FSTL5: variants seen among roughly 807,000 people sequenced by gnomAD.
FSTL5 encodes follistatin like 5, also known as follistatin-related protein 5.
A neutral mutation model predicts 89.1 loss-of-function variants in FSTL5; 62 were observed. That is an observed-to-expected ratio of 0.70 (90% CI 0.57 to 0.86). The LOEUF is 0.86. Ranked by LOEUF, FSTL5 falls within the 40% of genes least tolerant of loss-of-function variation. FSTL5 has a pLI of 0.00. For missense variants in FSTL5, 1,057 were observed against 1,001.6 expected, an observed-to-expected ratio of 1.06 and a Z score of -0.75; for synonymous variants, 383 against 346.2, an observed-to-expected ratio of 1.11 and a Z score of -1.18.
intron 6 of FSTL5, among the ~76,000 whole-genome samples, chr4:161,696,893 AAAC>A (rs1197053755): frequency 2.0e-5 from 3 of 152,218 alleles, no homozygotes; most frequent in East Asian, 3.9e-4. Context: ...TCTCATCAGC[AAAC>A]AACAACTGTT....
intron 4 of FSTL5, among the ~76,000 whole-genome samples, chr4:161,776,515 A>C (rs961914990): frequency 7.0e-5 from 10 of 142,574 alleles, no homozygotes; most frequent in African/African-American, 2.7e-4. Flanking sequence ...TTTTGTATTG[A>C]AATATATATA....
intron 4 of FSTL5, among the ~76,000 whole-genome samples, chr4:161,814,307 A>C (rs1020047054): frequency 1.3e-5 from 2 of 152,132 alleles, no homozygotes; most frequent in Non-Finnish European, 2.9e-5. Context: ...AGTATAAATA[A>C]ATTTCTTCAA....
intron 6 of FSTL5, among the ~76,000 whole-genome samples, chr4:161,752,952 T>C (rs1299146049): frequency 1.3e-5 from 2 of 152,190 alleles, no homozygotes; most frequent in Non-Finnish European, 2.9e-5. Flanking sequence ...CACCAGACAC[T>C]GCATTGGCTG....
chr4:161,394,416 C>T (rs1226091939), intron 15 of FSTL5, among the ~76,000 whole-genome samples: 1 of 152,076 alleles, frequency 6.6e-6, no homozygotes, highest in Non-Finnish European at 1.5e-5. Context: ...GCTGGGATCA[C>T]AGAGGCGTGC....
At chr4:161,646,470 C>A (rs1313701605) in intron 7 of FSTL5, among the ~76,000 whole-genome samples, 1 of 151,608 alleles carries the variant, frequency 6.6e-6, no homozygotes, top group African/African-American at 2.4e-5. Context: ...TATTCTGAAA[C>A]CTTTTTTATA....
chr4:161,780,026 G>T (rs913755242), intron 4 of FSTL5, among the ~76,000 whole-genome samples: 1 of 148,522 alleles, frequency 6.7e-6, no homozygotes, highest in African/African-American at 2.4e-5. Context: ...ACATTTGAGA[G>T]TAAAATTAAG....
chr4:161,646,302 C>T (rs994673998), intron 7 of FSTL5, among the ~76,000 whole-genome samples: 5 of 149,724 alleles, frequency 3.3e-5, no homozygotes, highest in African/African-American at 1.2e-4. Context: ...TGTGTATACA[C>T]TTTAACTTTA....
rs1248205621 is a variant in FSTL5, at chr4:161,779,797, ATATATATATATATG to A, written c.410-3737_410-3724del. Among the ~76,000 whole-genome samples, 516 of 52,072 alleles carry A rather than the reference ATATATATATATATG, an allele frequency of 9.9e-3. 17 individuals are homozygous for A. Among genetic ancestry groups the A allele is most frequent in the African/African-American group, 0.055 (348 of 6,280 alleles). 34.2% of individuals were successfully genotyped at this position (52,072 alleles called of 152,430 possible). ...TATGTATATATATATATATATATATATATATATATATATGTATATATATATATATATATATATAT... is the reference window on the plus strand; with the variant it reads ...TATGTATATATATATATATATATATATATATATATATATATATATATATAT... On this transcript the variant is annotated intron_variant, in intron 4 of 15. Transcript: ENST00000306100.
chr4:162,118,269 T>C (rs1579042267), intron 1 of FSTL5, among the ~76,000 whole-genome samples: 1 of 14 alleles, frequency 0.071, no homozygotes, highest in South Asian at 0.25. Flanking sequence ...CCAAAGAGTC[T>C]TTTTTTTTTT....
intron 6 of FSTL5, among the ~76,000 whole-genome samples, chr4:161,665,881 G>A (rs1736877219): frequency 6.7e-6 from 1 of 149,396 alleles, no homozygotes. Context: ...AAAAGAAGAT[G>A]AAGAAGAAGA....
At chr4:161,740,614 A>G (rs547683745) in intron 6 of FSTL5, among the ~76,000 whole-genome samples, 1 of 152,326 alleles carries the variant, frequency 6.6e-6, no homozygotes, top group African/African-American at 2.4e-5. Context: ...ATCACATTAT[A>G]TTGACACATG....
chr4:161,775,776 G>T, intron 5 of FSTL5, 102 bp downstream of exon 5: 1 of 582,424 alleles, frequency 1.7e-6, no homozygotes. Context: ...CAATAATATG[G>T]ATCAAATATA....
chr4:161,692,142 A>G (rs1295779342), intron 6 of FSTL5, among the ~76,000 whole-genome samples: 1 of 152,004 alleles, frequency 6.6e-6, no homozygotes, highest in Non-Finnish European at 1.5e-5. Context: ...AAGTGGGCAA[A>G]ATTGTCTCTT....
Position 161,587,444 on chromosome 4 carries a change from T to C in FSTL5, c.1015+11A>G. 2 of 1,612,598 alleles carry C rather than the reference T, an allele frequency of 1.2e-6. No homozygotes were observed. Among genetic ancestry groups the C allele is most frequent in the Non-Finnish European group, 1.7e-6 (2 of 1,178,942 alleles). ...CTTTGAATAGTTAGGGTAACAAAAA[T>C]CACTTCTTACCATTCACTTGGAAGA... On this transcript the variant is annotated intron_variant, in intron 8 of 15. Transcript: ENST00000306100.
intron 7 of FSTL5, among the ~76,000 whole-genome samples, chr4:161,630,418 C>G (rs1735466133): frequency 1.3e-5 from 2 of 152,290 alleles, no homozygotes; most frequent in South Asian, 4.1e-4. Flanking sequence ...AGCTCAAGCC[C>G]TTGAAAATAT....
In FSTL5 at chr4:161,607,132, T is replaced by C. The variant is rs376135419; in HGVS notation, c.895-19557A>G. Among the ~76,000 whole-genome samples, 27 of 152,260 alleles carry C rather than the reference T, an allele frequency of 1.8e-4. 1 individual carries two copies. The East Asian group carries it at 3.1e-3, about 17-fold the overall frequency. ...GCGCTAACCCACAAGTTATTAGTAATATAATGAGTCTGAAGACTGTCAATT... is the reference window on the plus strand; with the variant it reads ...GCGCTAACCCACAAGTTATTAGTAACATAATGAGTCTGAAGACTGTCAATT... On this transcript the variant is annotated intron_variant, in intron 7 of 15. Transcript: ENST00000306100.
At chr4:162,116,980 T>C (rs1731667689) in intron 1 of FSTL5, among the ~76,000 whole-genome samples, 1 of 152,220 alleles carries the variant, frequency 6.6e-6, no homozygotes, top group South Asian at 2.1e-4. Context: ...CTGTGGCTAT[T>C]GCTTTTAGAA....
At chr4:161,912,634 C>A (rs756876965) in intron 4 of FSTL5, among the ~76,000 whole-genome samples, 1 of 152,144 alleles carries the variant, frequency 6.6e-6, no homozygotes, top group Non-Finnish European at 1.5e-5. Flanking sequence ...ATGTCTTCAT[C>A]AACAGCGTGA....
At chr4:161,852,998 A>C (rs1201770176) in intron 4 of FSTL5, among the ~76,000 whole-genome samples, 1 of 152,182 alleles carries the variant, frequency 6.6e-6, no homozygotes, top group East Asian at 1.9e-4. Context: ...ACTTCAAATA[A>C]AAGTTGAAGG....
Sources: allele counts gnomAD v4.1 joint callset (sites outside exome capture counted in the v4.1 genomes callset), GRCh38; gene constraint gnomAD v4.1.1; transcripts MANE v1.5; gene names NCBI Gene and HGNC (gene_info 2026-07-23, HGNC 2026-07-21).